Variants in NDST3 observed in about 807,000 individuals in gnomAD.
NDST3 encodes the protein N-deacetylase and N-sulfotransferase 3.
NDST3 carries 58 observed loss-of-function variants against 96.1 expected under a neutral mutation model. The ratio of observed to expected loss-of-function variants is 0.60; its 90% CI spans 0.49 to 0.75. The LOEUF (loss-of-function observed/expected upper bound fraction) is 0.75, where lower values mean the gene tolerates loss of function less well. NDST3 is among the 30% of genes least tolerant of loss of function. The probability of loss-of-function intolerance (pLI) is 0.00; values close to 1 mark genes in which losing one functional copy is unlikely to be tolerated. For synonymous variants in NDST3, 333 were observed against 359.7 expected (o/e 0.93, Z 0.84); for missense variants, 788 against 1,034.2 (o/e 0.76, Z 3.27).
intron 8 of NDST3, 52 bp from the exon 9 acceptor site, chr4:118,232,960 A>G: frequency 6.5e-7 from 1 of 1,546,346 alleles, no homozygotes; most frequent in Non-Finnish European, 8.9e-7. Flanking sequence ...TGTTGATCAT[A>G]GGAAATTGTG....
In NDST3 at chr4:118,197,855, G is replaced by A. The variant is rs6813615; in HGVS notation, c.1540-26636G>A. On this transcript the variant is annotated intron_variant, in intron 6 of 13. Transcript: ENST00000296499. ...TCACTCTGTCACCAGGCTGGAGTAC[G>A]GTGGCACGATCTCGGCTTGCTGCAA... 4.8e-3 allele frequency among the ~76,000 whole-genome samples: 696 copies of A among 145,998 alleles called. 6 individuals carry two copies. Among genetic ancestry groups the A allele is most frequent in the African/African-American group, 0.016 (652 of 39,536 alleles).
At chr4:118,129,851 T>C (rs1055946640) in intron 4 of NDST3, among the ~76,000 whole-genome samples, 1 of 152,080 alleles carries the variant, frequency 6.6e-6, no homozygotes, top group African/African-American at 2.4e-5. Context: ...TATTTTTTTA[T>C]ATAGCTGTGT....
chr4:118,100,549 C>A (rs1482475165), intron 2 of NDST3, among the ~76,000 whole-genome samples: 1 of 152,006 alleles, frequency 6.6e-6, no homozygotes, highest in Non-Finnish European at 1.5e-5. Flanking sequence ...CCCCTCATAC[C>A]TTTAGGCTTT....
chr4:118,150,236 G>A (rs1027287431), intron 6 of NDST3, among the ~76,000 whole-genome samples: 5 of 152,100 alleles, frequency 3.3e-5, no homozygotes, highest in Admixed American at 2.6e-4. Context: ...ATGTGTCTCT[G>A]CCCGGCTTTG....
Position 118,252,839 on chromosome 4 carries a change from C to T in NDST3, c.2400-660C>T, listed in dbSNP as rs546949339. ...CCGAGAGGTGGAGGTTGCGGCGAGC[C>T]GAGATTGCGCCATTGCACTCCAGCC... is the stretch of plus-strand genomic sequence containing the variant. On this transcript the variant is annotated intron_variant, in intron 12 of 13. Coordinates refer to ENST00000296499, the MANE Select transcript of NDST3 (RefSeq NM_004784.3). 7.9e-5 allele frequency among the ~76,000 whole-genome samples: 12 copies of T among 152,086 alleles called. 1 individual carries two copies. Among genetic ancestry groups the T allele is most frequent in the South Asian group, 4.2e-4 (2 of 4,794 alleles).
At chr4:118,164,171 C>T (rs1227899987) in intron 6 of NDST3, among the ~76,000 whole-genome samples, 2 of 152,058 alleles carry the variant, frequency 1.3e-5, no homozygotes, top group Non-Finnish European at 2.9e-5. Context: ...ATAGAAAGAA[C>T]AAAATCACAT....
intron 3 of NDST3, among the ~76,000 whole-genome samples, chr4:118,108,577 C>G (rs756147628): frequency 6.6e-6 from 1 of 152,048 alleles, no homozygotes; most frequent in Non-Finnish European, 1.5e-5. Context: ...TCCATATGCA[C>G]ATAAACAACA....
chr4:118,047,590 A>G (rs1021274026), intron 1 of NDST3, among the ~76,000 whole-genome samples: 1 of 152,232 alleles, frequency 6.6e-6, no homozygotes, highest in Admixed American at 6.5e-5. Context: ...TCAGTATAAG[A>G]ATTTCATAAT....
At position 118,109,309 on chromosome 4, in the gene NDST3, G is replaced by A. The variant is rs879727532; in HGVS notation, c.1069+4204G>A. ...TAGGGTGAAATATGTGGTGTGTTTA[G>A]GGGGAGAGGGAGAGAGTAGGAAGAG... On this transcript the variant is annotated intron_variant, in intron 3 of 13. Coordinates refer to ENST00000296499, the MANE Select transcript of NDST3 (RefSeq NM_004784.3). Among the ~76,000 whole-genome samples the A allele has an allele frequency of 2.0e-5, 3 of 152,214 alleles. No homozygotes were observed. The East Asian group carries it at 5.8e-4, about 29-fold the overall frequency.
intron 2 of NDST3, among the ~76,000 whole-genome samples, chr4:118,103,617 G>A (rs1012783392): frequency 2.0e-5 from 3 of 152,020 alleles, no homozygotes; most frequent in Non-Finnish European, 4.4e-5. Context: ...ACTTCATCAT[G>A]TCCAGCTGGC....
intron 10 of NDST3, 55 bp downstream of exon 10, chr4:118,237,275 G>A (rs1740704954): frequency 2.1e-6 from 3 of 1,407,272 alleles, no homozygotes; most frequent in Non-Finnish European, 2.9e-6. Flanking sequence ...GGACAATGGA[G>A]CATTGTTTTT....
At chr4:118,187,923 G>A (rs1416073941) in intron 6 of NDST3, among the ~76,000 whole-genome samples, 1 of 152,124 alleles carries the variant, frequency 6.6e-6, no homozygotes, top group Non-Finnish European at 1.5e-5. Flanking sequence ...ATCTTTCTCT[G>A]ATGTTGCTCC....
chr4:118,062,474 CTTTG>C (rs539537641), intron 2 of NDST3, among the ~76,000 whole-genome samples: 80 of 152,152 alleles, frequency 5.3e-4, no homozygotes, highest in African/African-American at 1.8e-3. Context: ...CACTCTCTCT[CTTTG>C]TTTGGTGGAA....
chr4:118,253,998 T>C (rs1741941742), intron 13 of NDST3, among the ~76,000 whole-genome samples: 1 of 152,166 alleles, frequency 6.6e-6, no homozygotes, highest in African/African-American at 2.4e-5. Flanking sequence ...CTCAGCACTT[T>C]GGAAGGCCGA....
chr4:118,131,493 C>G (rs1015188134), intron 4 of NDST3, among the ~76,000 whole-genome samples: 4 of 151,942 alleles, frequency 2.6e-5, no homozygotes, highest in Non-Finnish European at 5.9e-5. Flanking sequence ...ATTCTGAATT[C>G]CTTATCTCTG....
At chr4:118,120,183 T>C (rs1167775413) in intron 4 of NDST3, among the ~76,000 whole-genome samples, 9 of 152,162 alleles carry the variant, frequency 5.9e-5, no homozygotes, top group Admixed American at 5.2e-4. Context: ...ATGTAGGTTT[T>C]ATTATTATAC....
rs144543137 is a variant in NDST3, at chr4:118,224,533, C to G, written c.1582C>G (p.Arg528Gly). 6.2e-7 allele frequency: 1 copy of G among 1,609,632 alleles called. No individual in the cohort carries two copies. Among genetic ancestry groups the G allele is most frequent in the Non-Finnish European group, 8.5e-7 (1 of 1,177,936 alleles). The change falls in exon 7 of 14, where the codon CGA (arginine) becomes GGA (glycine). Residue 528 changes from arginine to glycine, a missense_variant. Around this residue, in one of 3 missense-constraint regions of NDST3, gnomAD observed 490 missense variants for 708.8 expected, o/e 0.69. Transcript: ENST00000296499. ...CCATTTGTCCAACTATGGGAATGAC[C>G]GACTGGGATTATATACATTTGTTAA... ...MTHLSNYGND[R>G]LGLYTFVNLA...
chr4:118,033,764 G>C (rs1717626209), upstream of NDST3: 4 of 152,370 alleles, frequency 2.6e-5, no homozygotes, highest in Admixed American at 2.0e-4. Context: ...GATCCCGGGC[G>C]CGGAGGGGAG....
chr4:118,066,216 A>AT (rs1726373272), intron 2 of NDST3, among the ~76,000 whole-genome samples: 1 of 66,732 alleles, frequency 1.5e-5, no homozygotes, highest in African/African-American at 6.3e-5. Context: ...TATATTATAC[A>AT]TAATATATTA....
Sources: allele counts gnomAD v4.1 joint callset (sites outside exome capture counted in the v4.1 genomes callset), GRCh38; gene constraint gnomAD v4.1.1; regional missense constraint gnomAD v4.1.1; transcripts MANE v1.5; gene names NCBI Gene and HGNC (gene_info 2026-07-23, HGNC 2026-07-21).